PTPRJ: variants seen among roughly 807,000 people sequenced by gnomAD.
The protein encoded by PTPRJ is receptor-type tyrosine-protein phosphatase eta.
PTPRJ carries 129 observed loss-of-function variants against 141.3 expected under a neutral mutation model. That is an observed-to-expected ratio of 0.91 (90% CI 0.79 to 1.06). PTPRJ has a LOEUF of 1.06. PTPRJ is among the 50% of genes least tolerant of loss of function. The pLI, the probability that PTPRJ is intolerant of heterozygous loss-of-function variation, is 0.00. For missense variants in PTPRJ, 1,601 were observed against 1,679.7 expected (o/e 0.95, Z 0.82); for synonymous variants, 610 against 640.5 (o/e 0.95, Z 0.72).
chr11:48,167,429 A>G lies in PTPRJ; in HGVS notation c.*67A>G. On this transcript the variant is annotated 3_prime_UTR_variant, in exon 25 of 25. Transcript: ENST00000418331. ...ACCCACAGCGAAGGCACATGCCCCG[A>G]TGTCGACATGTTTTTATATGTCTAA... The G allele has an allele frequency of 1.3e-6, 2 of 1,493,460 alleles. No individual in the cohort carries two copies. Among genetic ancestry groups the G allele is most frequent in the Non-Finnish European group, 1.8e-6 (2 of 1,091,546 alleles). The allele number at this position is 1,493,460 out of a possible 1,614,324, so 92.5% of individuals were successfully genotyped here. A position where few individuals can be genotyped will look rare whatever the true frequency, so the allele number is the denominator to read the frequency against.
chr11:48,053,687 C>G (rs1025239067), intron 1 of PTPRJ, among the ~76,000 whole-genome samples: 1 of 148,680 alleles, frequency 6.7e-6, no homozygotes, highest in South Asian at 2.1e-4. Flanking sequence ...AGCGCTTCTC[C>G]TGCCTCAGCC....
intron 11 of PTPRJ, among the ~76,000 whole-genome samples, chr11:48,140,698 G>A (rs1044049514): frequency 6.6e-6 from 1 of 152,116 alleles, no homozygotes; most frequent in Non-Finnish European, 1.5e-5. Context: ...TGAGCCTCAG[G>A]TATAATTTAA....
At chr11:48,072,430 C>CGGGA in intron 1 of PTPRJ, among the ~76,000 whole-genome samples, 1 of 152,180 alleles carries the variant, frequency 6.6e-6, no homozygotes, top group Non-Finnish European at 1.5e-5. Context: ...TCTGAGATCC[C>CGGGA]ATCTGTTAAT....
At chr11:48,100,495 A>G (rs1256095999) in intron 1 of PTPRJ, among the ~76,000 whole-genome samples, 2 of 152,214 alleles carry the variant, frequency 1.3e-5, no homozygotes, top group African/African-American at 4.8e-5. Flanking sequence ...AATACTGTAT[A>G]TATATTTAAA....
intron 1 of PTPRJ, among the ~76,000 whole-genome samples, chr11:47,988,694 T>G (rs1854112705): frequency 6.6e-6 from 1 of 152,088 alleles, no homozygotes. Flanking sequence ...AGTTTCAGGA[T>G]TACTGGATTG....
chr11:48,108,159 T>A (rs1856345097), intron 1 of PTPRJ, among the ~76,000 whole-genome samples: 2 of 152,196 alleles, frequency 1.3e-5, no homozygotes, highest in South Asian at 4.1e-4. Context: ...CACATTGGTT[T>A]CTATCAGGAG....
chr11:48,106,771 T>C (rs1408580035), intron 1 of PTPRJ, among the ~76,000 whole-genome samples: 103 of 140,698 alleles, frequency 7.3e-4, no homozygotes, highest in African/African-American at 1.4e-3. Context: ...TTCTTTTTTT[T>C]TTTTTTTTTT....
At chr11:48,132,711 A>G (rs557020258) in intron 8 of PTPRJ, 1 of 920,672 alleles carries the variant, frequency 1.1e-6, no homozygotes, top group Admixed American at 6.2e-5. Context: ...ATATATATAT[A>G]TAAAAGAAAT....
chr11:47,990,720 C>T (rs1265471014), intron 1 of PTPRJ, among the ~76,000 whole-genome samples: 1 of 149,962 alleles, frequency 6.7e-6, no homozygotes, highest in African/African-American at 2.5e-5. Flanking sequence ...GAGTCTCACC[C>T]AGTCACCCAG....
In PTPRJ at chr11:48,134,786, T is replaced by C. The variant is rs200265160; in HGVS notation, c.1616-1253T>C. ...GGCATCCCTGGTGCAGGTGGCTGAG[T>C]GGGCAGCGGGAGATGATCGGAGGAT... On this transcript the variant is annotated intron_variant, in intron 8 of 24. Transcript: ENST00000418331. Among the ~76,000 whole-genome samples the C allele has an allele frequency of 2.0e-5, 3 of 152,226 alleles. No homozygotes were observed. In the East Asian group the frequency reaches 5.8e-4, roughly 29 times the overall value.
At chr11:48,109,791 T>C (rs1425046811) in intron 1 of PTPRJ, among the ~76,000 whole-genome samples, 2 of 152,008 alleles carry the variant, frequency 1.3e-5, no homozygotes, top group Non-Finnish European at 2.9e-5. Flanking sequence ...GGTGGGGGGA[T>C]GTGTCTGGGG....
At position 48,167,450 on chromosome 11, in the gene PTPRJ, T is replaced by G; in HGVS notation, c.*88T>G. ...CCCGATGTCGACATGTTTTTATATG[T>G]CTAATATCTTAATTCTTTGTTCTGT... On this transcript the variant is annotated 3_prime_UTR_variant, in exon 25 of 25. Coordinates refer to ENST00000418331, the MANE Select transcript of PTPRJ (RefSeq NM_002843.4). 1 of 1,384,664 alleles carries G rather than the reference T, an allele frequency of 7.2e-7. No homozygotes were observed. The highest frequency in any genetic ancestry group is 1.3e-5 in the South Asian group (1 of 74,460). The allele number at this position is 1,384,664 out of a possible 1,614,324, so 85.8% of individuals were successfully genotyped here.
At chr11:48,009,522 G>T (rs1343841544) in intron 1 of PTPRJ, among the ~76,000 whole-genome samples, 1 of 152,202 alleles carries the variant, frequency 6.6e-6, no homozygotes, top group Non-Finnish European at 1.5e-5. Context: ...CTTGAACCTG[G>T]GAGGCGGAGG....
chr11:47,989,003 C>T (rs965104847), intron 1 of PTPRJ, among the ~76,000 whole-genome samples: 1 of 149,366 alleles, frequency 6.7e-6, no homozygotes, highest in Non-Finnish European at 1.5e-5. Context: ...CCTGCCTCAG[C>T]CTCCCGAGTA....
chr11:48,078,041 T>G (rs1210480334), intron 1 of PTPRJ, among the ~76,000 whole-genome samples: 1 of 151,754 alleles, frequency 6.6e-6, no homozygotes, highest in Non-Finnish European at 1.5e-5. Context: ...AAAGATGGAT[T>G]CAGTGTTTTT....
At chr11:48,069,666 TG>T (rs1376902400) in intron 1 of PTPRJ, among the ~76,000 whole-genome samples, 1 of 151,870 alleles carries the variant, frequency 6.6e-6, no homozygotes, top group Non-Finnish European at 1.5e-5. Context: ...TTAGCCAGGA[TG>T]GTCTTGATCT....
rs577250953 is a variant in PTPRJ, at chr11:48,078,354, G to C, written c.97-31704G>C. ...ATTACAGGCATGAGCCACCGTGCCC[G>C]GCCTGATGGATTCAGTTTATGTGCA... On this transcript the variant is annotated intron_variant, in intron 1 of 24. Transcript: ENST00000418331. Among the ~76,000 whole-genome samples the C allele has an allele frequency of 3.9e-5, 6 of 152,224 alleles. No homozygotes were observed. The South Asian group carries it at 1.2e-3, about 32-fold the overall frequency.
At chr11:47,987,351 T>C (rs1316565492) in intron 1 of PTPRJ, among the ~76,000 whole-genome samples, 1 of 152,198 alleles carries the variant, frequency 6.6e-6, no homozygotes, top group Admixed American at 6.5e-5. Context: ...AAAAAGTTGG[T>C]CTAAAGAAAA....
At chr11:48,008,944 G>T (rs1373516486) in intron 1 of PTPRJ, among the ~76,000 whole-genome samples, 4 of 152,172 alleles carry the variant, frequency 2.6e-5, no homozygotes, top group African/African-American at 7.2e-5. Flanking sequence ...AAAACTGGGG[G>T]GTGGGTTGGG....
Sources: allele counts gnomAD v4.1 joint callset (sites outside exome capture counted in the v4.1 genomes callset), GRCh38; gene constraint gnomAD v4.1.1; transcripts MANE v1.5; gene names NCBI Gene and HGNC (gene_info 2026-07-23, HGNC 2026-07-21).